EPHB2: variants seen among roughly 807,000 people sequenced by gnomAD.
EPHB2 encodes the protein ephrin type-B receptor 2.
Under a neutral mutation model 96.4 loss-of-function variants are expected in EPHB2, and 18 were observed. That is an observed-to-expected ratio of 0.19 (90% confidence interval 0.13 to 0.28). EPHB2 has a LOEUF of 0.28. EPHB2 is among the 10% of genes least tolerant of loss of function. EPHB2 has a pLI of 1.00. For synonymous variants in EPHB2, 506 were observed against 534.1 expected, an observed-to-expected ratio of 0.95 and a Z score of 0.72; for missense variants, 989 against 1,355.4, an observed-to-expected ratio of 0.73 and a Z score of 4.25.
chr1:22,754,014 G>C (rs1271049708), intron 1 of EPHB2, among the ~76,000 whole-genome samples: 1 of 152,118 alleles, frequency 6.6e-6, no homozygotes, highest in Non-Finnish European at 1.5e-5. Flanking sequence ...ACAGGCCCAA[G>C]ACACTTAGAT....
At chr1:22,774,689 T>C (rs1293196378) in intron 1 of EPHB2, 1 of 881,862 alleles carries the variant, frequency 1.1e-6, no homozygotes, top group Non-Finnish European at 1.4e-6. Context: ...TGTTAAGAGC[T>C]AGGACTTGAT....
Position 22,917,003 on chromosome 1 carries a change from G to A in EPHB2, c.*3433G>A, listed in dbSNP as rs888254743. 6.6e-6 allele frequency: 1 copy of A among 152,344 alleles called. No individual in the cohort carries two copies. The highest frequency in any genetic ancestry group is 1.5e-5 in the Non-Finnish European group (1 of 68,140). 9.4% of individuals were successfully genotyped at this position (152,344 alleles called of 1,614,324 possible). On this transcript the variant is annotated 3_prime_UTR_variant, in exon 16 of 16. Transcript: ENST00000374630. ...CTCGGGCAGACCAATCAGAATAGAT[G>A]ATGGCCTGAGTGCTGGACCAGAGGC... is the stretch of plus-strand genomic sequence containing the variant.
chr1:22,740,977 G>A lies in EPHB2; in HGVS notation c.61+29934G>A, dbSNP rs144741391. On this transcript the variant is annotated intron_variant, in intron 1 of 15. Transcript: ENST00000374630. ...GCATGAGCCGTCCCTGCGATGCCAA[G>A]CCTCTCCTTGCTGACGGCGGGGATT... Among the ~76,000 whole-genome samples, 359 of 152,194 alleles carry A rather than the reference G, an allele frequency of 2.4e-3. 2 individuals carry two copies. Among genetic ancestry groups the A allele is most frequent in the African/African-American group, 7.9e-3 (327 of 41,522 alleles).
At position 22,784,580 on chromosome 1, in the gene EPHB2, C is replaced by CTCCT; in HGVS notation, c.316_319dup (p.Cys107PhefsTer12). The CTCCT allele has an allele frequency of 6.2e-7, 1 of 1,614,196 alleles. No individual in the cohort carries two copies. The highest frequency in any genetic ancestry group is 8.5e-7 in the Non-Finnish European group (1 of 1,180,036). ...GCAGCAGCATCCCCAGCGTGCCTGG[C>CTCCT]TCCTGCAAGGAGACCTTCAACCTCT... On this transcript the variant is annotated frameshift_variant, in exon 3 of 16. Transcript: ENST00000374630. LOFTEE classifies it high-confidence loss of function. The surrounding 1 kb of genome is among the most constrained non-coding windows in gnomAD (Gnocchi z 5.1).
chr1:22,842,100 C>T (rs1395759778), intron 3 of EPHB2, among the ~76,000 whole-genome samples: 1 of 152,020 alleles, frequency 6.6e-6, no homozygotes, highest in Non-Finnish European at 1.5e-5. Flanking sequence ...AAAGAGCTGT[C>T]GGGAGTAACT....
At chr1:22,869,498 A>G (rs1638588876) in intron 5 of EPHB2, among the ~76,000 whole-genome samples, 1 of 151,944 alleles carries the variant, frequency 6.6e-6, no homozygotes, top group South Asian at 2.1e-4. Context: ...AGCAAAGGGT[A>G]TGTCCTGGAA....
At chr1:22,832,722 A>G (rs905067714) in intron 3 of EPHB2, among the ~76,000 whole-genome samples, 3 of 152,176 alleles carry the variant, frequency 2.0e-5, no homozygotes, top group Admixed American at 6.5e-5. Context: ...TGAGACATTT[A>G]TCAGAGTGTT....
At chr1:22,799,122 A>G (rs2582015) in intron 3 of EPHB2, among the ~76,000 whole-genome samples, 152,210 of 152,264 alleles carry the variant, frequency 1, 76,078 homozygotes, top group Middle Eastern at 1. Context: ...TACAAATTTG[A>G]GTTCTGGGAC....
chr1:22,713,262 A>G (rs1387086512), intron 1 of EPHB2, among the ~76,000 whole-genome samples: 1 of 152,144 alleles, frequency 6.6e-6, no homozygotes, highest in Non-Finnish European at 1.5e-5. Context: ...AGCTGGCCGA[A>G]TGGATGGGGA....
At chr1:22,804,544 A>C (rs1309549071) in intron 3 of EPHB2, among the ~76,000 whole-genome samples, 2 of 152,126 alleles carry the variant, frequency 1.3e-5, no homozygotes, top group African/African-American at 4.8e-5. Flanking sequence ...TCTCACAGTC[A>C]TGCAGACTCA....
intron 1 of EPHB2, among the ~76,000 whole-genome samples, chr1:22,736,914 G>A (rs896483214): frequency 2.6e-5 from 4 of 152,150 alleles, no homozygotes; most frequent in African/African-American, 9.7e-5. Flanking sequence ...CGATTGGCTC[G>A]GATCAGCCGC....
chr1:22,865,265 A>G lies in EPHB2; in HGVS notation c.1303+53A>G. The stretch of plus-strand genomic sequence containing the variant: ...AGTGCCCCATCGCGCTGTGCCAGGG[A>G]GGGTCCTGCAGTCCTCACAAAAGAC... On this transcript the variant is annotated intron_variant, in intron 5 of 15. Transcript: ENST00000374630. 3 of 1,596,316 alleles carry G rather than the reference A, an allele frequency of 1.9e-6. No individual in the cohort carries two copies. The East Asian group carries it at 6.7e-5, about 36-fold the overall frequency.
Position 22,908,080 on chromosome 1 carries a change from A to G in EPHB2, c.2264A>G (p.Asn755Ser), listed in dbSNP as rs1016662258. Residue 755 changes from asparagine to serine, a missense_variant, in exon 12 of 16, where the codon AAC becomes AGC. Transcript: ENST00000374630. ...RDLAARNILVNSNLVCKVSDF... is the reference protein window; with the variant it reads ...RDLAARNILVSSNLVCKVSDF... ...CTGGCTGCCCGCAACATCCTCGTCA[A>G]CAGCAACCTGGTCTGCAAGGTGTCG... 12 of 1,614,214 alleles carry G rather than the reference A, an allele frequency of 7.4e-6. No individual in the cohort carries two copies. The highest frequency in any genetic ancestry group is 3.3e-5 in the South Asian group (3 of 91,078).
chr1:22,749,241 G>A (rs1253725140), intron 1 of EPHB2, among the ~76,000 whole-genome samples: 3 of 151,996 alleles, frequency 2.0e-5, no homozygotes, highest in East Asian at 1.9e-4. Context: ...GGCTGGTCTC[G>A]AACTCCTGAC....
intron 5 of EPHB2, among the ~76,000 whole-genome samples, chr1:22,877,409 A>G (rs2148543780): frequency 1.3e-5 from 2 of 152,322 alleles, no homozygotes; most frequent in Admixed American, 1.3e-4. Context: ...ACCATGGGGC[A>G]TACGGGGGTT....
In EPHB2 at chr1:22,918,684, C is replaced by A. The variant is rs1260844296; in HGVS notation, c.*5114C>A. 6.6e-6 allele frequency: 1 copy of A among 152,200 alleles called. No homozygotes were observed. Among genetic ancestry groups the A allele is most frequent in the Non-Finnish European group, 1.5e-5 (1 of 68,042 alleles). The allele number at this position is 152,200 out of a possible 1,614,324, so 9.4% of individuals were successfully genotyped here. A position where few individuals can be genotyped will look rare whatever the true frequency, so the allele number is the denominator to read the frequency against. ...AAACTTAAGGTGGAGAATGGTCTTG[C>A]AGCTGCCAGTTTTTCCTTCAGAGAA... On this transcript the variant is annotated 3_prime_UTR_variant, in exon 16 of 16. Coordinates refer to ENST00000374630, the MANE Select transcript of EPHB2 (RefSeq NM_017449.5). This position sits in a 1 kb window ranked among gnomAD's most constrained non-coding sequence, Gnocchi z 4.2.
intron 3 of EPHB2, among the ~76,000 whole-genome samples, chr1:22,800,738 G>T (rs1161748988): frequency 6.6e-6 from 1 of 151,112 alleles, no homozygotes; most frequent in Non-Finnish European, 1.5e-5. Flanking sequence ...GCACATGGCT[G>T]GATCAATTTG....
At chr1:22,819,580 A>G (rs1201226581) in intron 3 of EPHB2, among the ~76,000 whole-genome samples, 1 of 152,106 alleles carries the variant, frequency 6.6e-6, no homozygotes, top group South Asian at 2.1e-4. Flanking sequence ...TGGCTGCCCT[A>G]TCTCTGGCCA....
At chr1:22,717,763 C>T (rs921713229) in intron 1 of EPHB2, among the ~76,000 whole-genome samples, 2 of 152,226 alleles carry the variant, frequency 1.3e-5, no homozygotes, top group Non-Finnish European at 2.9e-5. Flanking sequence ...CTCTGAAGTC[C>T]TACAGAGGCT....
Sources: allele counts gnomAD v4.1 joint callset (sites outside exome capture counted in the v4.1 genomes callset), GRCh38; gene constraint gnomAD v4.1.1; non-coding constraint Gnocchi (gnomAD v3.1); transcripts MANE v1.5; gene names NCBI Gene and HGNC (gene_info 2026-07-23, HGNC 2026-07-21).